Variants in MMS22L observed in about 807,000 individuals in gnomAD.
MMS22L encodes the protein protein MMS22-like.
In MMS22L, 74 loss-of-function variants were observed where a neutral mutation model predicts 159.1. That is an observed-to-expected ratio of 0.47 (90% CI 0.39 to 0.56). The LOEUF is 0.56. Ranked by LOEUF, MMS22L falls within the 20% of genes least tolerant of loss-of-function variation. The pLI is 0.00. For synonymous variants in MMS22L, 517 were observed against 506.9 expected, an observed-to-expected ratio of 1.02 and a Z score of -0.27; for missense variants, 1,351 against 1,422.1, an observed-to-expected ratio of 0.95 and a Z score of 0.80.
intron 11 of MMS22L, among the ~76,000 whole-genome samples, chr6:97,245,109 T>C (rs1369075778): frequency 1.3e-5 from 2 of 151,998 alleles, no homozygotes; most frequent in Non-Finnish European, 2.9e-5. Flanking sequence ...GGCTGAGATC[T>C]ATGTAAATAT....
At chr6:97,208,893 T>G (rs1393883670) in intron 14 of MMS22L, among the ~76,000 whole-genome samples, 1 of 151,980 alleles carries the variant, frequency 6.6e-6, no homozygotes, top group East Asian at 1.9e-4. Flanking sequence ...TATCGCTACC[T>G]AAAAAACATT....
intron 3 of MMS22L, among the ~76,000 whole-genome samples, chr6:97,279,252 G>A (rs1157973783): frequency 6.6e-6 from 1 of 152,166 alleles, no homozygotes; most frequent in Non-Finnish European, 1.5e-5. Flanking sequence ...GGGAGGCCGA[G>A]GCGGGCGGAT....
intron 10 of MMS22L, 65 bp downstream of exon 10, chr6:97,254,492 A>T: frequency 7.6e-7 from 1 of 1,321,760 alleles, no homozygotes; most frequent in Non-Finnish European, 1.0e-6. Flanking sequence ...CTTATTTTCT[A>T]ATTTGTCCAA....
rs1026358314 is a variant in MMS22L, at chr6:97,203,557, T to C, written c.2040-16867A>G. Among the ~76,000 whole-genome samples, 5 of 152,354 alleles carry C rather than the reference T, an allele frequency of 3.3e-5. No homozygotes were observed. In the South Asian group the frequency reaches 1.0e-3, roughly 32 times the overall value. On this transcript the variant is annotated intron_variant, in intron 14 of 24. Transcript: ENST00000683635. ...AGACCAGATAAGCTGCAGAACCAGC[T>C]GTAATCTCATTTAGACCTGAGCTGA... is the stretch of plus-strand genomic sequence containing the variant.
Position 97,244,245 on chromosome 6 carries a change from G to T in MMS22L, c.1182+2383C>A, listed in dbSNP as rs549955215. On this transcript the variant is annotated intron_variant, in intron 11 of 24. Transcript: ENST00000683635. Reference sequence around the variant, plus strand: ...GAGGGCATCAGCTGTGGTACTACAGGGGGGACATAAACTTGCCCTGAAATC... The same window carrying T: ...GAGGGCATCAGCTGTGGTACTACAGTGGGGACATAAACTTGCCCTGAAATC... 4.6e-5 allele frequency among the ~76,000 whole-genome samples: 7 copies of T among 152,262 alleles called. No individual in the cohort carries two copies. In the East Asian group the frequency reaches 1.4e-3, roughly 29 times the overall value.
At chr6:97,262,678 A>G (rs1814624526) in intron 9 of MMS22L, among the ~76,000 whole-genome samples, 2 of 147,058 alleles carry the variant, frequency 1.4e-5, no homozygotes, top group Admixed American at 1.4e-4. Context: ...AAAAAAAAAG[A>G]TAGCAGCACC....
At chr6:97,237,420 A>T (rs1811537218) in intron 11 of MMS22L, among the ~76,000 whole-genome samples, 1 of 152,324 alleles carries the variant, frequency 6.6e-6, no homozygotes, top group Admixed American at 6.5e-5. Context: ...AATACACTTC[A>T]AACTACAAGT....
chr6:97,215,114 A>ATATATATATATATATATATTTT (rs1209431095), intron 14 of MMS22L, among the ~76,000 whole-genome samples: 1 of 87,190 alleles, frequency 1.1e-5, no homozygotes, highest in African/African-American at 3.5e-5. Context: ...ATATATATAT[A>ATATATATATATATATATATTTT]TTTTTTTTTT....
chr6:97,160,394 C>T (rs1440104625), intron 22 of MMS22L, among the ~76,000 whole-genome samples: 1 of 151,934 alleles, frequency 6.6e-6, no homozygotes, highest in Non-Finnish European at 1.5e-5. Flanking sequence ...TTGACAGGTC[C>T]CCCTCTACAC....
chr6:97,261,836 G>A (rs1002376347), intron 9 of MMS22L: 2 of 152,106 alleles, frequency 1.3e-5, no homozygotes, highest in African/African-American at 4.8e-5. Context: ...TTTCAAGAGA[G>A]GGTCTTGCTT....
Position 97,272,959 on chromosome 6 carries a change from T to G in MMS22L, c.428+16A>C. ...GAAATTCATGCAGTGATCAAAATAC[T>G]CATCTGATATCCTACCTGAAGATGA... On this transcript the variant is annotated intron_variant, in intron 5 of 24. Coordinates refer to ENST00000683635, the MANE Select transcript of MMS22L (RefSeq NM_001350599.2). 1 of 1,608,688 alleles carries G rather than the reference T, an allele frequency of 6.2e-7. No homozygotes were observed. Among genetic ancestry groups the G allele is most frequent in the South Asian group, 1.1e-5 (1 of 89,952 alleles).
chr6:97,162,265 A>T, intron 21 of MMS22L, 100 bp from the exon 22 acceptor site: 1 of 899,310 alleles, frequency 1.1e-6, no homozygotes, highest in Non-Finnish European at 1.7e-6. Context: ...TTACCCCCCA[A>T]ATTAATACAG....
At chr6:97,197,197 C>T (rs1241505305) in intron 14 of MMS22L, among the ~76,000 whole-genome samples, 13 of 152,156 alleles carry the variant, frequency 8.5e-5, no homozygotes, top group Non-Finnish European at 1.5e-5. Context: ...CTATAAGGAA[C>T]TACAGACGTC....
intron 22 of MMS22L, among the ~76,000 whole-genome samples, chr6:97,154,867 A>G (rs1429834699): frequency 6.6e-6 from 1 of 152,162 alleles, no homozygotes; most frequent in Non-Finnish European, 1.5e-5. Context: ...GCTTTGTAAC[A>G]TGTTTTGAAA....
At chr6:97,150,658 C>A (rs1374525490) in intron 23 of MMS22L, among the ~76,000 whole-genome samples, 1 of 152,130 alleles carries the variant, frequency 6.6e-6, no homozygotes, top group Non-Finnish European at 1.5e-5. Flanking sequence ...TAGGGCTTCA[C>A]AATTTTCACA....
upstream of MMS22L, chr6:97,283,591 G>A (rs1816971072): frequency 6.6e-6 from 1 of 152,212 alleles, no homozygotes; most frequent in South Asian, 2.1e-4. Context: ...TTTTGTCCAT[G>A]GACTGTGAGG....
intron 23 of MMS22L, chr6:97,151,509 G>A (rs965239299): frequency 5.2e-6 from 2 of 381,388 alleles, no homozygotes; most frequent in Non-Finnish European, 9.8e-6. Context: ...ATCGTTAAGA[G>A]ACACATGACT....
chr6:97,213,077 AGAG>A, intron 14 of MMS22L, among the ~76,000 whole-genome samples: 1 of 152,160 alleles, frequency 6.6e-6, no homozygotes, highest in African/African-American at 2.4e-5. Flanking sequence ...GTCTGTAGAC[AGAG>A]TAACATGTCT....
chr6:97,192,756 C>T (rs946286891), intron 14 of MMS22L, among the ~76,000 whole-genome samples: 1 of 152,078 alleles, frequency 6.6e-6, no homozygotes, highest in Non-Finnish European at 1.5e-5. Flanking sequence ...TAGGGTTGGC[C>T]AGAGAATTAA....
Sources: allele counts gnomAD v4.1 joint callset (sites outside exome capture counted in the v4.1 genomes callset), GRCh38; gene constraint gnomAD v4.1.1; transcripts MANE v1.5; gene names NCBI Gene and HGNC (gene_info 2026-07-23, HGNC 2026-07-21).